The following DDAH1 variants were observed in gnomAD, a reference collection of about 807,000 sequenced individuals.
DDAH1 encodes N(G),N(G)-dimethylarginine dimethylaminohydrolase 1.
In DDAH1, 19 loss-of-function variants were observed where a neutral mutation model predicts 28.8. That is an observed-to-expected ratio of 0.66 (90% CI 0.46 to 0.97). The LOEUF (loss-of-function observed/expected upper bound fraction) is 0.97. DDAH1 is among the 50% of genes least tolerant of loss of function. The pLI is 0.00. For synonymous variants in DDAH1, 153 were observed against 154.4 expected (o/e 0.99, Z 0.07); for missense variants, 326 against 375.9 (o/e 0.87, Z 1.10).
chr1:85,493,295 A>T (rs916577592), intron 2 of DDAH1: 3 of 152,182 alleles, frequency 2.0e-5, no homozygotes, highest in Non-Finnish European at 4.4e-5. Flanking sequence ...TGTTAACTGA[A>T]TGAAATGAAT....
At chr1:85,461,220 C>G (rs1172242636) in intron 1 of DDAH1, among the ~76,000 whole-genome samples, 2 of 141,690 alleles carry the variant, frequency 1.4e-5, no homozygotes, top group African/African-American at 2.5e-5. Flanking sequence ...AAGTATTAAA[C>G]ATAAAAAATA....
At chr1:85,426,924 A>AAC (rs1430029032) in intron 1 of DDAH1, among the ~76,000 whole-genome samples, 2 of 145,552 alleles carry the variant, frequency 1.4e-5, no homozygotes, top group African/African-American at 4.9e-5. Context: ...AAAAAAACAA[A>AAC]AAAAAAAAAA....
chr1:85,574,889 CTCTATATA>C (rs1246463221), intron 1 of DDAH1, among the ~76,000 whole-genome samples: 1 of 151,528 alleles, frequency 6.6e-6, no homozygotes, highest in Admixed American at 6.6e-5. Flanking sequence ...CTCTCTCTCT[CTCTATATA>C]TATATATATG....
rs551399155 is a variant in DDAH1, at chr1:85,486,583, A to G, written c.-7+9583T>C. 5.9e-5 allele frequency among the ~76,000 whole-genome samples: 9 copies of G among 152,294 alleles called. No homozygotes were observed. The South Asian group carries it at 1.5e-3, about 25-fold the overall frequency. On this transcript the variant is annotated intron_variant, in intron 2 of 6. Coordinates refer to the DDAH1 transcript ENST00000426972. ...TATTTATTCAGTCATTCAGCCATCA[A>G]ATGCTTACTGGATGCCAGCATTGGA...
chr1:85,466,641 T>C (rs1004028535), upstream of DDAH1, among the ~76,000 whole-genome samples: 3 of 152,126 alleles, frequency 2.0e-5, no homozygotes, highest in Admixed American at 2.0e-4. Context: ...GACTAGGTAG[T>C]ACTTCTAAAG....
At chr1:85,332,712 G>C (rs1344832991) in intron 4 of DDAH1, among the ~76,000 whole-genome samples, 1 of 152,178 alleles carries the variant, frequency 6.6e-6, no homozygotes, top group African/African-American at 2.4e-5. Flanking sequence ...GGCCTAACAG[G>C]ACCAGAAAAC....
chr1:85,477,904 G>A (rs752627940), intron 2 of DDAH1, among the ~76,000 whole-genome samples: 3 of 151,510 alleles, frequency 2.0e-5, no homozygotes, highest in Non-Finnish European at 4.4e-5. Context: ...CTAGTATATG[G>A]GCTTCTATTC....
Position 85,464,611 on chromosome 1 carries a change from C to G in DDAH1, c.303+132G>C. ...TCTGACACACACACACACACACACA[C>G]TCGCCCCCCGACGGGAAGTTGTGAA... is the stretch of plus-strand genomic sequence containing the variant. On this transcript the variant is annotated intron_variant, in intron 1 of 5. Coordinates refer to ENST00000284031, the MANE Select transcript of DDAH1 (RefSeq NM_012137.4). This position sits in a 1 kb window ranked among gnomAD's most constrained non-coding sequence, Gnocchi z 4.4. 1 of 1,512,056 alleles carries G rather than the reference C, an allele frequency of 6.6e-7. No individual in the cohort carries two copies. The highest frequency in any genetic ancestry group is 8.8e-7 in the Non-Finnish European group (1 of 1,132,388). The allele number at this position is 1,512,056 out of a possible 1,614,324, so 93.7% of individuals were successfully genotyped here. A position where few individuals can be genotyped will look rare whatever the true frequency, so the allele number is the denominator to read the frequency against.
chr1:85,489,232 C>T (rs1041309603), intron 2 of DDAH1, among the ~76,000 whole-genome samples: 3 of 152,158 alleles, frequency 2.0e-5, no homozygotes, highest in Non-Finnish European at 2.9e-5. Flanking sequence ...CCACAAAATA[C>T]GTTTGGATAA....
chr1:85,474,970 A>G (rs1262609242), intron 2 of DDAH1, among the ~76,000 whole-genome samples: 5 of 152,146 alleles, frequency 3.3e-5, no homozygotes, highest in African/African-American at 1.2e-4. Context: ...TCTGAGCATA[A>G]GACCCTCATT....
At chr1:85,430,753 C>T (rs1448471531) in intron 1 of DDAH1, among the ~76,000 whole-genome samples, 1 of 152,112 alleles carries the variant, frequency 6.6e-6, no homozygotes, top group Non-Finnish European at 1.5e-5. Flanking sequence ...TATCCTGAGA[C>T]TTTGCTGAGG....
intron 5 of DDAH1, among the ~76,000 whole-genome samples, chr1:85,324,299 T>TAATAATAATAATAATAATAAA (rs1363681922): frequency 6.3e-5 from 9 of 143,332 alleles, no homozygotes; most frequent in South Asian, 4.4e-4. Context: ...ATAATAATAA[T>TAATAATAATAATAATAATAAA]AAATAAAAAA....
chr1:85,442,152 A>G (rs1299686405), intron 1 of DDAH1, among the ~76,000 whole-genome samples: 1 of 152,016 alleles, frequency 6.6e-6, no homozygotes, highest in Admixed American at 6.5e-5. Flanking sequence ...TACATTAGGT[A>G]TATCTCCTAA....
chr1:85,360,979 A>G (rs1329969359), intron 1 of DDAH1, among the ~76,000 whole-genome samples: 1 of 152,268 alleles, frequency 6.6e-6, no homozygotes, highest in Admixed American at 6.5e-5. Context: ...CATGTTGATG[A>G]TACTACATTA....
At chr1:85,542,983 C>T (rs906506074) in intron 1 of DDAH1, among the ~76,000 whole-genome samples, 8 of 152,138 alleles carry the variant, frequency 5.3e-5, no homozygotes, top group African/African-American at 9.6e-5. Flanking sequence ...TGAAGTAACT[C>T]GCCCAAGATC....
At chr1:85,516,563 T>C (rs1657485808) in intron 1 of DDAH1, among the ~76,000 whole-genome samples, 1 of 151,208 alleles carries the variant, frequency 6.6e-6, no homozygotes, top group Non-Finnish European at 1.5e-5. Flanking sequence ...CTCTTTTTTC[T>C]GGACAAGTAG....
chr1:85,430,371 T>G (rs1026312077), intron 1 of DDAH1, among the ~76,000 whole-genome samples: 3 of 152,246 alleles, frequency 2.0e-5, no homozygotes, highest in Non-Finnish European at 4.4e-5. Flanking sequence ...AGAATTGTCT[T>G]GGCTATATGG....
chr1:85,550,743 T>C (rs1658758650), intron 1 of DDAH1, among the ~76,000 whole-genome samples: 1 of 150,274 alleles, frequency 6.7e-6, no homozygotes, highest in Non-Finnish European at 1.5e-5. Context: ...TAAGTAATAA[T>C]AAAAAACACA....
chr1:85,451,514 G>C (rs980446179), intron 1 of DDAH1, among the ~76,000 whole-genome samples: 1 of 152,094 alleles, frequency 6.6e-6, no homozygotes, highest in African/African-American at 2.4e-5. Flanking sequence ...ACTTGCTCAA[G>C]GCCACACAGC....
Sources: allele counts gnomAD v4.1 joint callset (sites outside exome capture counted in the v4.1 genomes callset), GRCh38; gene constraint gnomAD v4.1.1; non-coding constraint Gnocchi (gnomAD v3.1); transcripts MANE v1.5; gene names NCBI Gene and HGNC (gene_info 2026-07-23, HGNC 2026-07-21).